VPS13C: variants seen among roughly 807,000 people sequenced by gnomAD.
VPS13C encodes intermembrane lipid transfer protein VPS13C.
VPS13C carries 358 observed loss-of-function variants against 456.8 expected under a neutral mutation model. The ratio of observed to expected loss-of-function variants is 0.78; its 90% CI spans 0.72 to 0.86. The LOEUF is 0.86. Among genes scored for constraint, VPS13C ranks in the 40% least tolerant of loss-of-function variants. VPS13C has a pLI of 0.00. For synonymous variants in VPS13C, 1,578 were observed against 1,486.7 expected, an observed-to-expected ratio of 1.06 and a Z score of -1.41; for missense variants, 4,818 against 4,385.4, an observed-to-expected ratio of 1.10 and a Z score of -2.79.
intron 83 of VPS13C, among the ~76,000 whole-genome samples, 180 bp downstream of exon 83, chr15:61,856,106 G>A (rs1406904013): frequency 6.6e-6 from 1 of 152,084 alleles, no homozygotes; most frequent in Non-Finnish European, 1.5e-5. Context: ...TTCACTCTAT[G>A]CAATCAAGAC....
At chr15:61,943,814 A>G (rs2044512907) in intron 45 of VPS13C, among the ~76,000 whole-genome samples, 1 of 152,118 alleles carries the variant, frequency 6.6e-6, no homozygotes, top group Non-Finnish European at 1.5e-5. Flanking sequence ...GAGCTTCTGC[A>G]CTACAAAAGA....
In VPS13C at chr15:61,987,197, T is replaced by C. The variant is rs550626679; in HGVS notation, c.1579-2198A>G. ...ATATATAAGTGGAAAAGGCCTAAAA[T>C]AGCCAAAACACTCTTAAAAAAAAAA... On this transcript the variant is annotated intron_variant, in intron 18 of 84. Transcript: ENST00000644861. Among the ~76,000 whole-genome samples the C allele has an allele frequency of 6.1e-5, 9 of 147,194 alleles. No homozygotes were observed. In the East Asian group the frequency reaches 1.8e-3, roughly 29 times the overall value.
chr15:62,050,279 C>A (rs1460106779), intron 1 of VPS13C, among the ~76,000 whole-genome samples: 1 of 152,194 alleles, frequency 6.6e-6, no homozygotes, highest in African/African-American at 2.4e-5. Flanking sequence ...CAAGTCTAAA[C>A]AGACTAAGGT....
chr15:62,006,085 T>C (rs1477559726), intron 15 of VPS13C, among the ~76,000 whole-genome samples: 1 of 136,458 alleles, frequency 7.3e-6, no homozygotes, highest in African/African-American at 2.6e-5. Context: ...TTTGTTTTTT[T>C]TTAAAGAAAT....
intron 82 of VPS13C, among the ~76,000 whole-genome samples, chr15:61,861,982 C>G (rs1440285345): frequency 6.6e-6 from 1 of 152,144 alleles, no homozygotes; most frequent in African/African-American, 2.4e-5. Context: ...TGCCTGCAAT[C>G]CCAGCTACTG....
chr15:62,026,185 T>C (rs1326546869), intron 6 of VPS13C, among the ~76,000 whole-genome samples: 1 of 151,360 alleles, frequency 6.6e-6, no homozygotes, highest in Non-Finnish European at 1.5e-5. Flanking sequence ...AAGTGGAAGT[T>C]TCTTAAAGGT....
At chr15:62,010,751 T>A in intron 12 of VPS13C, 152 bp from the exon 13 acceptor site, 1 of 838,336 alleles carries the variant, frequency 1.2e-6, no homozygotes, top group Non-Finnish European at 1.7e-6. Context: ...TTTAAGCAAT[T>A]TAAGCTTCTA....
chr15:61,980,441 A>C (rs931227122), intron 22 of VPS13C, among the ~76,000 whole-genome samples: 2 of 152,126 alleles, frequency 1.3e-5, no homozygotes, highest in Non-Finnish European at 2.9e-5. Context: ...GTTCTGACAA[A>C]GTCAGCCAAA....
intron 48 of VPS13C, 149 bp downstream of exon 48, chr15:61,936,448 C>T: frequency 2.9e-6 from 2 of 687,424 alleles, no homozygotes; most frequent in Non-Finnish European, 4.1e-6. Context: ...ACAGACATAC[C>T]TCCCAGCCCC....
intron 48 of VPS13C, among the ~76,000 whole-genome samples, chr15:61,935,900 G>GAA (rs1448201973): frequency 2.0e-5 from 3 of 152,110 alleles, no homozygotes; most frequent in Non-Finnish European, 4.4e-5. Flanking sequence ...CAGCAGCCAG[G>GAA]ACCATTTACT....
At chr15:62,009,456 T>C (rs891728420) in intron 13 of VPS13C, among the ~76,000 whole-genome samples, 1 of 152,192 alleles carries the variant, frequency 6.6e-6, no homozygotes, top group African/African-American at 2.4e-5. Flanking sequence ...CGGCTGTTTA[T>C]CACTTGAAAT....
chr15:62,001,652 A>C (rs2046621115), intron 15 of VPS13C, among the ~76,000 whole-genome samples: 1 of 152,078 alleles, frequency 6.6e-6, no homozygotes, highest in Non-Finnish European at 1.5e-5. Context: ...TATATCTCCC[A>C]ATGCTATCCC....
At chr15:62,012,608 T>C (rs922610719) in intron 11 of VPS13C, among the ~76,000 whole-genome samples, 3 of 151,912 alleles carry the variant, frequency 2.0e-5, no homozygotes, top group Non-Finnish European at 2.9e-5. Context: ...GTTTAGCACA[T>C]TGAAGTTTTG....
In VPS13C at chr15:61,958,617, G is replaced by C. The variant is rs778343240; in HGVS notation, c.4156C>G (p.Gln1386Glu). The change falls in exon 37 of 85, where the codon CAA becomes GAA. Residue 1386 changes from glutamine (Q) to glutamate (E), a missense_variant. Transcript: ENST00000644861. The stretch of plus-strand genomic sequence containing the variant: ...ACTGTCAGCCTCTTACCTGTCTCTT[G>C]TACTCTTGGTTTCACTTTATCCAAG... ...EDLDKVKPRV[Q>E]ETGEIKEPLE... 1.0e-5 allele frequency: 16 copies of C among 1,562,986 alleles called. No homozygotes were observed. The highest frequency in any genetic ancestry group is 1.4e-5 in the Non-Finnish European group (16 of 1,154,014).
chr15:62,055,908 G>C (rs1039733079), intron 1 of VPS13C, among the ~76,000 whole-genome samples: 1 of 152,134 alleles, frequency 6.6e-6, no homozygotes, highest in Non-Finnish European at 1.5e-5. Flanking sequence ...TTCGCTGCAG[G>C]AAGTTGTCCT....
At chr15:61,890,715 T>G (rs2042623176) in intron 66 of VPS13C, among the ~76,000 whole-genome samples, 1 of 152,172 alleles carries the variant, frequency 6.6e-6, no homozygotes, top group South Asian at 2.1e-4. Context: ...ATTCTTTGTC[T>G]CCAAGCCGGA....
chr15:61,893,742 G>A (rs1428579751), intron 66 of VPS13C, among the ~76,000 whole-genome samples: 1 of 151,738 alleles, frequency 6.6e-6, no homozygotes, highest in African/African-American at 2.4e-5. Flanking sequence ...GATGTATGGG[G>A]GATGGACTTA....
chr15:61,978,880 G>C, intron 22 of VPS13C, 131 bp from the exon 23 acceptor site: 1 of 742,352 alleles, frequency 1.3e-6, no homozygotes, highest in Non-Finnish European at 2.0e-6. Flanking sequence ...TGCTCTTAAT[G>C]AATAAACATT....
chr15:62,014,537 T>C (rs564262207), intron 9 of VPS13C, among the ~76,000 whole-genome samples: 1 of 151,784 alleles, frequency 6.6e-6, no homozygotes, highest in Admixed American at 6.6e-5. Context: ...AGATCAGAGG[T>C]GGGAGGATAA....
Sources: allele counts gnomAD v4.1 joint callset (sites outside exome capture counted in the v4.1 genomes callset), GRCh38; gene constraint gnomAD v4.1.1; transcripts MANE v1.5; gene names NCBI Gene and HGNC (gene_info 2026-07-23, HGNC 2026-07-21).